Variants in RALYL observed in about 807,000 individuals in gnomAD.
RALYL encodes RNA-binding Raly-like protein.
Under a neutral mutation model 35.1 loss-of-function variants are expected in RALYL, and 29 were observed. The observed-to-expected ratio is 0.83, with a 90% CI of 0.61 to 1.13. The LOEUF is 1.13. RALYL is among the 50% of genes most tolerant of loss of function. The pLI, the probability that RALYL is intolerant of heterozygous loss-of-function variation, is 0.00. For synonymous variants in RALYL, 120 were observed against 127.6 expected (o/e 0.94, Z 0.40); for missense variants, 359 against 360.4 (o/e 1.00, Z 0.03).
rs146087605 is a variant in RALYL, at chr8:84,394,482, T to A, written c.-23-134817T>A. 3.2e-3 allele frequency among the ~76,000 whole-genome samples: 490 copies of A among 152,178 alleles called. 4 individuals are homozygous for A. The highest frequency in any genetic ancestry group is 0.012 in the African/African-American group (478 of 41,558). On this transcript the variant is annotated intron_variant, in intron 1 of 8. Coordinates refer to ENST00000521268, the MANE Select transcript of RALYL (RefSeq NM_173848.7). ...AGCATAGTGCAAGAATACAGTTTGG[T>A]GCCTCATGGTTCTTTTTATGTACTT...
intron 2 of RALYL, among the ~76,000 whole-genome samples, chr8:84,619,495 G>A (rs1371774279): frequency 4.0e-4 from 57 of 143,930 alleles, no homozygotes; most frequent in African/African-American, 1.1e-3. Context: ...GTCTCTGCAC[G>A]TGAGATGGGT....
At chr8:84,877,523 C>T (rs529071288) in intron 7 of RALYL, among the ~76,000 whole-genome samples, 9 of 151,958 alleles carry the variant, frequency 5.9e-5, no homozygotes, top group East Asian at 5.8e-4. Context: ...TACACATATA[C>T]GCACACACAT....
At chr8:84,523,007 C>A (rs997777628) in intron 1 of RALYL, among the ~76,000 whole-genome samples, 1 of 152,128 alleles carries the variant, frequency 6.6e-6, no homozygotes, top group Admixed American at 6.5e-5. Flanking sequence ...AAAGGCACAT[C>A]TTACATGGTG....
At chr8:84,442,610 T>G (rs1272093865) in intron 1 of RALYL, among the ~76,000 whole-genome samples, 1 of 152,136 alleles carries the variant, frequency 6.6e-6, no homozygotes, top group Admixed American at 6.6e-5. Context: ...AGTCAATAAT[T>G]CCTGTGCTGC....
intron 1 of RALYL, among the ~76,000 whole-genome samples, chr8:84,353,579 C>A (rs916542063): frequency 1.3e-5 from 2 of 150,226 alleles, no homozygotes; most frequent in Non-Finnish European, 3.0e-5. Context: ...TTTAGATATG[C>A]AAATTTACGA....
chr8:84,851,589 T>A (rs568869850), intron 5 of RALYL, among the ~76,000 whole-genome samples: 1 of 151,998 alleles, frequency 6.6e-6, no homozygotes, highest in Non-Finnish European at 1.5e-5. Context: ...TAGAAAAAAT[T>A]TTTCAATAGA....
At chr8:84,186,082 T>A (rs1812443400) in intron 1 of RALYL, among the ~76,000 whole-genome samples, 1 of 152,206 alleles carries the variant, frequency 6.6e-6, no homozygotes, top group Non-Finnish European at 1.5e-5. Context: ...AAATACAATG[T>A]ATGTGAGTTA....
At chr8:84,707,794 G>T (rs1841477352) in intron 2 of RALYL, among the ~76,000 whole-genome samples, 1 of 152,046 alleles carries the variant, frequency 6.6e-6, no homozygotes, top group African/African-American at 2.4e-5. Flanking sequence ...ATCCTTAAAT[G>T]AATTTCTTAA....
chr8:84,258,849 C>G (rs1343307525), intron 1 of RALYL, among the ~76,000 whole-genome samples: 2 of 152,114 alleles, frequency 1.3e-5, no homozygotes, highest in Non-Finnish European at 2.9e-5. Flanking sequence ...CTAGAGATAC[C>G]TCCTCTGTGA....
chr8:84,321,466 T>G (rs1484864006), intron 1 of RALYL, among the ~76,000 whole-genome samples: 1 of 152,110 alleles, frequency 6.6e-6, no homozygotes, highest in African/African-American at 2.4e-5. Flanking sequence ...AATAAGTTGC[T>G]AGAGCCTATG....
chr8:84,919,328 C>A (rs1305943191), intron 8 of RALYL, among the ~76,000 whole-genome samples: 1 of 151,974 alleles, frequency 6.6e-6, no homozygotes, highest in Non-Finnish European at 1.5e-5. Context: ...CAGTGTTCAT[C>A]TATGGGTTAC....
intron 2 of RALYL, among the ~76,000 whole-genome samples, chr8:84,610,542 G>T (rs770935915): frequency 1.5e-4 from 23 of 152,018 alleles, no homozygotes; most frequent in Non-Finnish European, 1.3e-4. Context: ...TTTTTCCACT[G>T]TAATGTTATT....
chr8:84,379,099 T>A (rs977238797), intron 1 of RALYL, among the ~76,000 whole-genome samples: 10 of 151,926 alleles, frequency 6.6e-5, no homozygotes, highest in South Asian at 4.1e-4. Flanking sequence ...TAGATCAGGC[T>A]TCAGCCTAGG....
chr8:84,581,955 G>T (rs1017233448), intron 2 of RALYL, among the ~76,000 whole-genome samples: 7 of 152,030 alleles, frequency 4.6e-5, no homozygotes, highest in Admixed American at 3.9e-4. Context: ...ATTACATAAG[G>T]TCATTTGTGT....
chr8:84,581,438 G>A (rs1234370061), intron 2 of RALYL, among the ~76,000 whole-genome samples: 1 of 152,028 alleles, frequency 6.6e-6, no homozygotes, highest in East Asian at 1.9e-4. Flanking sequence ...ATGTCTATAT[G>A]CCCAGAGCCT....
intron 1 of RALYL, among the ~76,000 whole-genome samples, chr8:84,395,585 C>T (rs1861604940): frequency 1.3e-5 from 2 of 151,820 alleles, no homozygotes; most frequent in African/African-American, 4.8e-5. Context: ...AAATCAATAA[C>T]ATTTTGTTGT....
chr8:84,414,316 C>G (rs1462972277), intron 1 of RALYL, among the ~76,000 whole-genome samples: 1 of 152,096 alleles, frequency 6.6e-6, no homozygotes, highest in Non-Finnish European at 1.5e-5. Flanking sequence ...TTCATTTTAT[C>G]CACATTTCAT....
At chr8:84,185,028 A>G (rs1235645283) in intron 1 of RALYL, 1 of 1,613,808 alleles carries the variant, frequency 6.2e-7, no homozygotes, top group East Asian at 2.2e-5. Flanking sequence ...GGTCCTACCC[A>G]GCCTATTTTG....
At chr8:84,536,807 C>T (rs1347403520) in intron 2 of RALYL, among the ~76,000 whole-genome samples, 3 of 152,162 alleles carry the variant, frequency 2.0e-5, no homozygotes, top group African/African-American at 4.8e-5. Context: ...GTTAACAAAA[C>T]TTCCACTCTC....
Sources: allele counts gnomAD v4.1 joint callset (sites outside exome capture counted in the v4.1 genomes callset), GRCh38; gene constraint gnomAD v4.1.1; transcripts MANE v1.5; gene names NCBI Gene and HGNC (gene_info 2026-07-23, HGNC 2026-07-21).